RPS6KC1: variants seen among roughly 807,000 people sequenced by gnomAD.
RPS6KC1 encodes ribosomal protein S6 kinase C1.
Under a neutral mutation model 103.8 loss-of-function variants are expected in RPS6KC1, and 54 were observed. The observed-to-expected ratio is 0.52, with a 90% CI of 0.42 to 0.65. The LOEUF is 0.65. RPS6KC1 is among the 30% of genes least tolerant of loss of function. The probability of loss-of-function intolerance (pLI) is 0.00; values close to 1 mark genes in which losing one functional copy is unlikely to be tolerated. For missense variants in RPS6KC1, 1,151 were observed against 1,253.8 expected, an observed-to-expected ratio of 0.92 and a Z score of 1.24; for synonymous variants, 439 against 438.7, an observed-to-expected ratio of 1.00 and a Z score of -0.01.
the RPS6KC1 span, among the ~76,000 whole-genome samples, chr1:213,781,544 T>C: frequency 5.3e-5 from 8 of 152,208 alleles, no homozygotes; most frequent in Admixed American, 5.2e-4. Flanking sequence ...CTCATTTTTT[T>C]CCACGTGTGA....
At chr1:213,370,873 G>A in the RPS6KC1 span, among the ~76,000 whole-genome samples, 3,968 of 152,276 alleles carry the variant, frequency 0.026, 180 homozygotes, top group East Asian at 0.19. Flanking sequence ...CCAGAATGGG[G>A]CAGAGATGTC....
intron 6 of RPS6KC1, among the ~76,000 whole-genome samples, chr1:213,145,880 G>A (rs2087703103): frequency 6.7e-6 from 1 of 148,562 alleles, no homozygotes; most frequent in African/African-American, 2.5e-5. Flanking sequence ...CCAATTACAC[G>A]CTATGTTTTT....
intron 6 of RPS6KC1, among the ~76,000 whole-genome samples, chr1:213,133,903 A>T (rs2085954795): frequency 6.6e-6 from 1 of 152,110 alleles, no homozygotes; most frequent in Admixed American, 6.6e-5. Context: ...TTTAAGATGG[A>T]GAAGTGGGAA....
chr1:213,851,589 C>T, the RPS6KC1 span, among the ~76,000 whole-genome samples: 14 of 152,180 alleles, frequency 9.2e-5, no homozygotes, highest in Admixed American at 7.9e-4. Flanking sequence ...AACTTCCACT[C>T]GTCTATGTGC....
chr1:213,238,659 G>A (rs1285672262), intron 10 of RPS6KC1, among the ~76,000 whole-genome samples: 2 of 152,172 alleles, frequency 1.3e-5, no homozygotes, highest in African/African-American at 4.8e-5. Context: ...AGTTTATTCA[G>A]GTGGAATTGG....
At chr1:213,426,277 C>T in the RPS6KC1 span, among the ~76,000 whole-genome samples, 1 of 152,132 alleles carries the variant, frequency 6.6e-6, no homozygotes, top group Non-Finnish European at 1.5e-5. Flanking sequence ...GGCTTTTCTG[C>T]AGTCTGAATG....
intron 12 of RPS6KC1, among the ~76,000 whole-genome samples, chr1:213,253,303 C>G (rs1440926424): frequency 6.6e-6 from 1 of 152,056 alleles, no homozygotes; most frequent in East Asian, 1.9e-4. Flanking sequence ...AGTGGAAAAA[C>G]CAGGGAACTG....
chr1:213,212,764 G>C (rs1282563892), intron 8 of RPS6KC1, among the ~76,000 whole-genome samples: 1 of 152,174 alleles, frequency 6.6e-6, no homozygotes, highest in Admixed American at 6.5e-5. Flanking sequence ...CAGTGTTCGG[G>C]ATTTTGGCAA....
chr1:213,781,354 A>G, the RPS6KC1 span, among the ~76,000 whole-genome samples: 1 of 152,294 alleles, frequency 6.6e-6, no homozygotes, highest in East Asian at 1.9e-4. Flanking sequence ...GCCATTGAAG[A>G]TGGAAACTCC....
chr1:213,844,636 A>G, the RPS6KC1 span, among the ~76,000 whole-genome samples: 1 of 152,226 alleles, frequency 6.6e-6, no homozygotes, highest in East Asian at 1.9e-4. Context: ...AATGTTAAAA[A>G]GCAAGAAATA....
chr1:213,794,225 A>G, the RPS6KC1 span, among the ~76,000 whole-genome samples: 1 of 152,216 alleles, frequency 6.6e-6, no homozygotes, highest in Non-Finnish European at 1.5e-5. Context: ...TCTGTTACTT[A>G]TATTTTTTTA....
intron 5 of RPS6KC1, among the ~76,000 whole-genome samples, chr1:213,122,631 A>C (rs766764680): frequency 2.6e-5 from 4 of 152,198 alleles, no homozygotes; most frequent in Non-Finnish European, 5.9e-5. Flanking sequence ...AGTAATTTAA[A>C]GTAAAATTAA....
intron 3 of RPS6KC1, among the ~76,000 whole-genome samples, chr1:213,094,540 T>A (rs1046137247): frequency 6.6e-6 from 1 of 152,246 alleles, no homozygotes; most frequent in Admixed American, 6.5e-5. Flanking sequence ...TCTGTCTGAT[T>A]GTTTTCTCAT....
chr1:213,536,521 T>A, the RPS6KC1 span, among the ~76,000 whole-genome samples: 1 of 152,188 alleles, frequency 6.6e-6, no homozygotes, highest in Admixed American at 6.5e-5. Flanking sequence ...GGACAACACC[T>A]GGGGTATAGT....
At chr1:213,778,712 C>T in the RPS6KC1 span, among the ~76,000 whole-genome samples, 2 of 152,042 alleles carry the variant, frequency 1.3e-5, no homozygotes, top group African/African-American at 4.8e-5. Context: ...CCAAGAAGTG[C>T]AGCCCAGACA....
At chr1:213,324,820 T>G in the RPS6KC1 span, among the ~76,000 whole-genome samples, 2 of 152,020 alleles carry the variant, frequency 1.3e-5, no homozygotes, top group African/African-American at 4.8e-5. Flanking sequence ...GACATTCTGC[T>G]TAGGTGAATT....
rs192823788 is a variant in RPS6KC1 at position 213,185,010 on chromosome 1, G to C, written c.1044+8518G>C. Among the ~76,000 whole-genome samples, 12 of 152,270 alleles carry C rather than the reference G, an allele frequency of 7.9e-5. No homozygotes were observed. The East Asian group carries it at 2.3e-3, about 29-fold the overall frequency. ...AATGTCAGTAGGCCTATTAGATTTA[G>C]TGTGTAGTTTAACTCTGGTTTCTTT... On this transcript the variant is annotated intron_variant, in intron 8 of 14. Transcript: ENST00000366960.
the RPS6KC1 span, among the ~76,000 whole-genome samples, chr1:213,283,925 TA>T: frequency 3.9e-5 from 6 of 152,010 alleles, no homozygotes; most frequent in Non-Finnish European, 7.4e-5. Flanking sequence ...TGAGGAAAAC[TA>T]ATTTCATGTA....
chr1:213,742,984 C>G, the RPS6KC1 span, among the ~76,000 whole-genome samples: 27,456 of 152,222 alleles, frequency 0.18, 2,711 homozygotes, highest in Middle Eastern at 0.28. Context: ...TTGGCAATTT[C>G]TCAAAAAACT....
Sources: gnomAD v4.1 joint callset for allele counts (sites outside exome capture counted in the v4.1 genomes callset) on GRCh38, gnomAD v4.1.1 for gene constraint, MANE v1.5 for transcripts, NCBI Gene and HGNC (gene_info 2026-07-23, HGNC 2026-07-21) for gene names.